The following ATP9A variants were observed in gnomAD, a reference collection of about 807,000 sequenced individuals.
The protein encoded by ATP9A is ATPase phospholipid transporting 9A.
In ATP9A, 52 loss-of-function variants were observed where a neutral mutation model predicts 144.1. The observed-to-expected ratio is 0.36, with a 90% CI of 0.29 to 0.45. ATP9A has a LOEUF of 0.45. Ranked by LOEUF, ATP9A falls within the 20% of genes least tolerant of loss-of-function variation. The pLI is 1.00. For synonymous variants in ATP9A, 582 were observed against 557.4 expected (o/e 1.04, Z -0.62); for missense variants, 947 against 1,392.7 (o/e 0.68, Z 5.09).
intron 27 of ATP9A, among the ~76,000 whole-genome samples, chr20:51,603,495 AC>A (rs1474314096): frequency 6.6e-6 from 1 of 152,120 alleles, no homozygotes; most frequent in Non-Finnish European, 1.5e-5. Context: ...CCGTGTCAGC[AC>A]CCGATGGGGT....
At chr20:51,659,507 A>G (rs2077402621) in intron 13 of ATP9A, among the ~76,000 whole-genome samples, 1 of 152,228 alleles carries the variant, frequency 6.6e-6, no homozygotes, top group South Asian at 2.1e-4. Flanking sequence ...AATCGACATC[A>G]GTTTCAGATT....
At chr20:51,716,103 T>C (rs1880435015) in intron 3 of ATP9A, among the ~76,000 whole-genome samples, 1 of 152,076 alleles carries the variant, frequency 6.6e-6, no homozygotes, top group Non-Finnish European at 1.5e-5. Context: ...TTGATTGAGG[T>C]GGTATTTATG....
chr20:51,658,895 G>T (rs113458829), intron 13 of ATP9A, among the ~76,000 whole-genome samples: 38,486 of 117,580 alleles, frequency 0.33, 12,879 homozygotes, highest in Non-Finnish European at 0.37. Flanking sequence ...TGGCGGGGGG[G>T]GGGGGGGGAA....
intron 1 of ATP9A, among the ~76,000 whole-genome samples, chr20:51,765,548 G>A (rs995782192): frequency 6.8e-6 from 1 of 147,914 alleles, no homozygotes; most frequent in Non-Finnish European, 1.5e-5. Context: ...CTACTCAGGA[G>A]GCTGATTCAA....
At chr20:51,619,982 G>C (rs779865332) in intron 19 of ATP9A, among the ~76,000 whole-genome samples, 1 of 151,346 alleles carries the variant, frequency 6.6e-6, no homozygotes, top group Non-Finnish European at 1.5e-5. Flanking sequence ...GTGCCAAAAA[G>C]AAGAAGCTCT....
chr20:51,713,547 T>A (rs898818697), intron 3 of ATP9A, among the ~76,000 whole-genome samples: 3 of 152,128 alleles, frequency 2.0e-5, no homozygotes, highest in Admixed American at 6.6e-5. Context: ...AGAGGCTGAG[T>A]AATCTTGCCC....
chr20:51,727,437 T>C (rs1189742082), intron 2 of ATP9A, among the ~76,000 whole-genome samples: 4 of 151,790 alleles, frequency 2.6e-5, no homozygotes, highest in Admixed American at 6.6e-5. Context: ...AATACAAATA[T>C]TAGCCAAGAG....
chr20:51,612,506 C>T (rs2077188635), intron 23 of ATP9A, among the ~76,000 whole-genome samples: 1 of 152,190 alleles, frequency 6.6e-6, no homozygotes, highest in South Asian at 2.1e-4. Flanking sequence ...CTCACTGCAA[C>T]CTCCACTTCC....
Position 51,671,272 on chromosome 20 carries a change from A to G in ATP9A, c.1038-15T>C, listed in dbSNP as rs1254065990. 3.1e-6 allele frequency: 5 copies of G among 1,610,058 alleles called. No individual in the cohort carries two copies. The highest frequency in any genetic ancestry group is 2.7e-5 in the African/African-American group (2 of 74,884). ...TCACACGCAAACTAGGCACAAAACC[A>G]GAGCAAACAGGCTAACAGGACAGAT... On this transcript the variant is annotated splice_polypyrimidine_tract_variant and intron_variant, in intron 11 of 27. Transcript: ENST00000338821.
chr20:51,651,697 G>C (rs374641245), intron 14 of ATP9A, among the ~76,000 whole-genome samples: 1 of 152,108 alleles, frequency 6.6e-6, no homozygotes, highest in Admixed American at 6.6e-5. Context: ...GGGAGGCTGA[G>C]GTGAGTGGAT....
intron 3 of ATP9A, among the ~76,000 whole-genome samples, chr20:51,723,398 A>AG (rs2077697819): frequency 6.6e-6 from 1 of 151,836 alleles, no homozygotes; most frequent in African/African-American, 2.4e-5. Context: ...AATAACCTAT[A>AG]GGAAAAAAAA....
At chr20:51,746,594 T>C (rs6013266) in intron 1 of ATP9A, among the ~76,000 whole-genome samples, 95,104 of 152,006 alleles carry the variant, frequency 0.63, 29,976 homozygotes, top group East Asian at 0.81. Flanking sequence ...AATCCCAACA[T>C]TTTGGGAGGC....
At chr20:51,617,299 T>A in intron 22 of ATP9A, among the ~76,000 whole-genome samples, 191 bp downstream of exon 22, 1 of 152,234 alleles carries the variant, frequency 6.6e-6, no homozygotes, top group African/African-American at 2.4e-5. Flanking sequence ...AAAGCCAACA[T>A]TCATCTGTCT....
intron 1 of ATP9A, among the ~76,000 whole-genome samples, chr20:51,751,252 G>GTTTTT (rs1160458034): frequency 3.0e-5 from 4 of 131,878 alleles, no homozygotes; most frequent in Non-Finnish European, 6.5e-5. Context: ...ACGTTTCTGG[G>GTTTTT]TTTTTTTTGT....
At chr20:51,632,307 C>T (rs774026106) in intron 15 of ATP9A, among the ~76,000 whole-genome samples, 1 of 152,146 alleles carries the variant, frequency 6.6e-6, no homozygotes, top group Non-Finnish European at 1.5e-5. Flanking sequence ...GACTGAAACT[C>T]GTTGGCTCAA....
At chr20:51,608,481 G>C (rs1212584790) in intron 25 of ATP9A, 37 bp downstream of exon 25, 1 of 1,340,904 alleles carries the variant, frequency 7.5e-7, no homozygotes, top group Non-Finnish European at 1.1e-6. Flanking sequence ...AAGCAAAGGA[G>C]GAAAGGAGGA....
At chr20:51,617,348 C>T in intron 22 of ATP9A, 142 bp downstream of exon 22, 1 of 861,932 alleles carries the variant, frequency 1.2e-6, no homozygotes, top group Non-Finnish European at 1.9e-6. Context: ...TTCCCAGTGA[C>T]ACAAGGTAAC....
chr20:51,601,249 G>A lies in ATP9A; in HGVS notation c.3106C>T (p.Arg1036Trp), dbSNP rs1480276791. The change falls in exon 28 of 28, where the codon CGG (arginine) becomes TGG (tryptophan). Residue 1036 changes from arginine (R) to tryptophan (W), a missense_variant. Physicochemically the swap from Arg to Trp is moderately radical, Grantham distance 101. Coordinates refer to ENST00000338821, the MANE Select transcript of ATP9A (RefSeq NM_006045.3). ...TTTGAGTAGCTGGGGGGAGAGAACC[G>A]TCTTCGCAGGTACTTGAGGACATAG... ...PLYVLKYLRR[R>W]FSPPSYSKLT... 3.7e-6 allele frequency: 6 copies of A among 1,613,718 alleles called. No individual in the cohort carries two copies. The African/African-American group carries it at 5.3e-5, about 14-fold the overall frequency.
chr20:51,668,099 GGGC>G (rs1262624495), intron 13 of ATP9A, among the ~76,000 whole-genome samples: 1 of 28,488 alleles, frequency 3.5e-5, no homozygotes, highest in Non-Finnish European at 7.3e-5. Flanking sequence ...GGGGGGGGGG[GGGC>G]GGAAGGGCTG....
Sources: allele counts gnomAD v4.1 joint callset (sites outside exome capture counted in the v4.1 genomes callset), GRCh38; gene constraint gnomAD v4.1.1; transcripts MANE v1.5; gene names NCBI Gene and HGNC (gene_info 2026-07-23, HGNC 2026-07-21).